Variants in NAV3 observed in about 807,000 individuals in gnomAD.
The protein encoded by NAV3 is neuron navigator 3, also known as pore membrane and/or filament interacting like protein 1.
NAV3 carries 87 observed loss-of-function variants against 244.7 expected under a neutral mutation model. The ratio of observed to expected loss-of-function variants is 0.36; its 90% confidence interval spans 0.30 to 0.42. NAV3 has a LOEUF of 0.42. Among genes scored for constraint, NAV3 ranks in the 20% least tolerant of loss-of-function variants. NAV3 has a pLI of 1.00. For missense variants in NAV3, 2,663 were observed against 2,893.3 expected (o/e 0.92, Z 1.83); for synonymous variants, 1,126 against 1,042.2 (o/e 1.08, Z -1.55).
intron 8 of NAV3, among the ~76,000 whole-genome samples, chr12:78,020,774 C>T (rs533595760): frequency 6.6e-6 from 1 of 151,878 alleles, no homozygotes; most frequent in Non-Finnish European, 1.5e-5. Flanking sequence ...CATATATGAA[C>T]ATTATTTGTA....
intron 2 of NAV3, among the ~76,000 whole-genome samples, chr12:77,663,646 C>G (rs1873578010): frequency 6.6e-6 from 1 of 152,062 alleles, no homozygotes; most frequent in African/African-American, 2.4e-5. Context: ...CTCAGCCTCC[C>G]AAGTAGCTGG....
intron 8 of NAV3, among the ~76,000 whole-genome samples, chr12:78,011,534 A>T (rs1380811673): frequency 2.6e-5 from 4 of 152,196 alleles, no homozygotes; most frequent in Non-Finnish European, 4.4e-5. Context: ...AAGGCATAAA[A>T]GATGAGTTAC....
chr12:78,145,125 G>A (rs1956812569), intron 20 of NAV3: 3 of 254,160 alleles, frequency 1.2e-5, no homozygotes, highest in Admixed American at 1.1e-4. Context: ...AAAATTATTA[G>A]GATCTAAAAA....
intron 23 of NAV3, among the ~76,000 whole-genome samples, chr12:78,159,544 C>A (rs551299314): frequency 1.3e-5 from 2 of 152,072 alleles, no homozygotes; most frequent in African/African-American, 4.8e-5. Flanking sequence ...TGGCGGGTAC[C>A]TGTAATCCCA....
At chr12:78,011,654 T>C (rs1018025043) in intron 8 of NAV3, among the ~76,000 whole-genome samples, 2 of 152,176 alleles carry the variant, frequency 1.3e-5, no homozygotes, top group African/African-American at 2.4e-5. Context: ...TGAGCTGCTA[T>C]GCAAATACTA....
At chr12:77,641,137 GT>G (rs1173751477) in intron 2 of NAV3, among the ~76,000 whole-genome samples, 2 of 151,916 alleles carry the variant, frequency 1.3e-5, no homozygotes, top group African/African-American at 2.4e-5. Flanking sequence ...CAGATCAAAA[GT>G]TTTTTTTCTT....
At chr12:77,635,268 T>C (rs1284478145) in intron 2 of NAV3, among the ~76,000 whole-genome samples, 2 of 151,992 alleles carry the variant, frequency 1.3e-5, no homozygotes, top group African/African-American at 4.8e-5. Flanking sequence ...CTATATTGCC[T>C]AGGTTGGCCT....
intron 8 of NAV3, among the ~76,000 whole-genome samples, chr12:78,011,081 T>C (rs937513924): frequency 7.2e-5 from 11 of 152,170 alleles, no homozygotes; most frequent in Admixed American, 3.9e-4. Flanking sequence ...CAAATAGATA[T>C]AACTAAGACA....
At position 78,006,855 on chromosome 12, in the gene NAV3, T is replaced by C. The variant is rs763012068; in HGVS notation, c.1317T>C (p.Ser439=). The part of the protein sequence containing the change: ...GLNSGGSTNS[S]PKVSPKLAPP... The stretch of plus-strand genomic sequence containing the variant: ...ATAGTGGTGGCTCAACAAATAGCAG[T>C]CCCAAAGTGTCACCTAAGTTGGCCC... The change falls in exon 8 of 40, where the codon AGT becomes AGC. Residue 439 remains serine, a synonymous_variant. Coordinates refer to ENST00000397909, the MANE Select transcript of NAV3 (RefSeq NM_001024383.2). 1 of 1,613,932 alleles carries C rather than the reference T, an allele frequency of 6.2e-7. No homozygotes were observed. The highest frequency in any genetic ancestry group is 2.2e-5 in the East Asian group (1 of 44,866).
chr12:77,873,715 T>G (rs1881370108), intron 1 of NAV3, among the ~76,000 whole-genome samples: 2 of 117,050 alleles, frequency 1.7e-5, no homozygotes, highest in African/African-American at 2.8e-5. Flanking sequence ...ATATACATGA[T>G]TTGCTTATCT....
At chr12:78,148,644 G>A (rs191833922) in intron 21 of NAV3, among the ~76,000 whole-genome samples, 198 bp from the exon 22 acceptor site, 1 of 152,098 alleles carries the variant, frequency 6.6e-6, no homozygotes, top group Non-Finnish European at 1.5e-5. Context: ...ATTAGAGTTT[G>A]ACACATAACA....
intron 5 of NAV3, among the ~76,000 whole-genome samples, chr12:77,971,910 C>T (rs1250662460): frequency 6.6e-6 from 1 of 151,906 alleles, no homozygotes; most frequent in Non-Finnish European, 1.5e-5. Flanking sequence ...TACATATTTC[C>T]ACAACATTTA....
intron 12 of NAV3, among the ~76,000 whole-genome samples, chr12:78,098,123 C>T (rs1342202851): frequency 6.6e-6 from 1 of 152,056 alleles, no homozygotes; most frequent in Non-Finnish European, 1.5e-5. Context: ...TTTCTATCTT[C>T]TCATTCTGCC....
At chr12:77,766,787 T>C (rs1869794293) in intron 2 of NAV3, among the ~76,000 whole-genome samples, 1 of 123,974 alleles carries the variant, frequency 8.1e-6, no homozygotes, top group African/African-American at 3.0e-5. Context: ...GGAGTCTCGC[T>C]CTGTCACCCA....
intron 7 of NAV3, among the ~76,000 whole-genome samples, chr12:78,004,741 T>C (rs1033934779): frequency 1.3e-5 from 2 of 152,220 alleles, no homozygotes; most frequent in Non-Finnish European, 2.9e-5. Context: ...ACCTATGATT[T>C]GCCCTCTTAA....
chr12:77,854,632 GAAAT>G (rs544305926), intron 1 of NAV3, among the ~76,000 whole-genome samples: 87 of 151,768 alleles, frequency 5.7e-4, no homozygotes, highest in African/African-American at 1.9e-3. Context: ...AAAATTATTG[GAAAT>G]AAATGTGCCA....
intron 9 of NAV3, among the ~76,000 whole-genome samples, chr12:78,024,390 GCAGT>G (rs1220460297): frequency 2.0e-5 from 3 of 152,032 alleles, no homozygotes; most frequent in Non-Finnish European, 4.4e-5. Flanking sequence ...AATGCTCCTG[GCAGT>G]CAGTCTATTT....
intron 8 of NAV3, among the ~76,000 whole-genome samples, chr12:78,018,252 A>G (rs998758644): frequency 2.6e-5 from 4 of 152,168 alleles, no homozygotes; most frequent in African/African-American, 9.7e-5. Context: ...AAAAATTTTA[A>G]AAAGGCTTCC....
At chr12:77,639,962 T>C (rs1479562561) in intron 2 of NAV3, among the ~76,000 whole-genome samples, 2 of 152,116 alleles carry the variant, frequency 1.3e-5, no homozygotes, top group African/African-American at 4.8e-5. Context: ...GAGAAGAGTT[T>C]AGAGCAATCT....
Sources: gnomAD v4.1 joint callset for allele counts (sites outside exome capture counted in the v4.1 genomes callset) on GRCh38, gnomAD v4.1.1 for gene constraint, MANE v1.5 for transcripts, NCBI Gene and HGNC (gene_info 2026-07-23, HGNC 2026-07-21) for gene names.